The following ZBTB45 variants were observed in gnomAD, a reference collection of about 807,000 sequenced individuals.
The protein encoded by ZBTB45 is zinc finger and BTB domain containing 45.
In ZBTB45, 22 loss-of-function variants were observed where a neutral mutation model predicts 28.4. That is an observed-to-expected ratio of 0.77 (90% CI 0.55 to 1.10). ZBTB45 has a LOEUF of 1.10. ZBTB45 is among the 50% of genes least tolerant of loss of function. The pLI is 0.00. For missense variants in ZBTB45, 656 were observed against 750.2 expected (o/e 0.87, Z 1.47); for synonymous variants, 361 against 332.3 (o/e 1.09, Z -0.94).
At position 58,517,023 on chromosome 19, in the gene ZBTB45, CTCA is replaced by C. The variant is rs1164367445; in HGVS notation, c.648_650del (p.Asp216del). The C allele has an allele frequency of 1.2e-6, 2 of 1,613,306 alleles. No individual in the cohort carries two copies. ...CACCTTCGCCATCCTCGCCATCGGT[CTCA>C]TCGTCACTTTCCTCGTCATCCTCGT... On this transcript the variant is annotated inframe_deletion, in exon 2 of 3. Coordinates refer to ENST00000594051, the MANE Select transcript of ZBTB45 (RefSeq NM_001316979.2).
chr19:58,523,832 C>T (rs1600066189), upstream of ZBTB45, among the ~76,000 whole-genome samples: 3 of 34,586 alleles, frequency 8.7e-5, no homozygotes, highest in Admixed American at 2.8e-4. Flanking sequence ...CACCAGGCCC[C>T]GCTAATTTTT....
intron 1 of ZBTB45, among the ~76,000 whole-genome samples, chr19:58,536,226 G>C (rs2122600566): frequency 6.6e-6 from 1 of 152,212 alleles, no homozygotes; most frequent in South Asian, 2.1e-4. Context: ...AGCACTTTGG[G>C]AGGCCGAGAT....
intron 1 of ZBTB45, among the ~76,000 whole-genome samples, chr19:58,536,473 A>C (rs2053660943): frequency 6.7e-6 from 1 of 148,162 alleles, no homozygotes; most frequent in Non-Finnish European, 1.5e-5. Flanking sequence ...CTCAAAAAAA[A>C]AAAAAAAAAG....
intron 1 of ZBTB45, among the ~76,000 whole-genome samples, chr19:58,526,808 G>T (rs1485505360): frequency 6.6e-6 from 1 of 151,660 alleles, no homozygotes; most frequent in African/African-American, 2.4e-5. Context: ...TGGGATTACA[G>T]GCGTGAGCCA....
At chr19:58,533,219 G>A (rs963256460) in intron 1 of ZBTB45, among the ~76,000 whole-genome samples, 4 of 152,152 alleles carry the variant, frequency 2.6e-5, no homozygotes, top group African/African-American at 4.8e-5. Context: ...CAAGCCTCCC[G>A]CCTTAGCCTC....
upstream of ZBTB45, among the ~76,000 whole-genome samples, chr19:58,520,624 G>A (rs2053569295): frequency 6.6e-6 from 1 of 152,186 alleles, no homozygotes; most frequent in African/African-American, 2.4e-5. Context: ...CTTAAAGGCA[G>A]AAGAGGAAGG....
rs749155452 is a variant in ZBTB45 at position 58,516,842 on chromosome 19, A to C, written c.832T>G (p.Ser278Ala). ...AGRDFLRGAGSAEDVFPDSYV... is the reference protein window; with the variant it reads ...AGRDFLRGAGAAEDVFPDSYV... ...CTGTCTGGAAATACGTCCTCAGCTG[A>C]CCCAGCTCCCCGAAGAAAATCTCTC... Residue 278 changes from serine to alanine, a missense_variant, in exon 2 of 3, where the codon TCA (serine) becomes GCA (alanine). By Grantham distance (99) the Ser-to-Ala change is moderately conservative (BLOSUM62 1). Around this residue, in one of 3 missense-constraint regions of ZBTB45, gnomAD observed 448 missense variants for 444.3 expected, o/e 1.01. Coordinates refer to ENST00000594051, the MANE Select transcript of ZBTB45 (RefSeq NM_001316979.2). This position sits in a 1 kb window ranked among gnomAD's most constrained non-coding sequence, Gnocchi z 6.2. The C allele has an allele frequency of 6.2e-7, 1 of 1,613,582 alleles. No homozygotes were observed. Among genetic ancestry groups the C allele is most frequent in the South Asian group, 1.1e-5 (1 of 91,084 alleles).
Position 58,532,866 on chromosome 19 carries a change from C to T in ZBTB45, c.-1+5835G>A, listed in dbSNP as rs374633935. Reference sequence around the variant, plus strand: ...CGGCCATGTTTTTGAGAAAAAGTCTCGCTCTGTCACCCAGGCTGGAGTGCA... The same window carrying T: ...CGGCCATGTTTTTGAGAAAAAGTCTTGCTCTGTCACCCAGGCTGGAGTGCA... On this transcript the variant is annotated intron_variant, in intron 1 of 1. Transcript: ENST00000600130. Among the ~76,000 whole-genome samples the T allele has an allele frequency of 5.8e-4, 85 of 146,632 alleles. 1 individual carries two copies. In the East Asian group the frequency reaches 0.011, roughly 20 times the overall value.
chr19:58,523,724 G>A (rs1475386478), upstream of ZBTB45, among the ~76,000 whole-genome samples: 2 of 140,312 alleles, frequency 1.4e-5, no homozygotes, highest in Non-Finnish European at 3.1e-5. Flanking sequence ...AGGCTGGAGT[G>A]CAGTGGCGCA....
At chr19:58,526,735 T>G (rs1427393912) in intron 1 of ZBTB45, among the ~76,000 whole-genome samples, 37 of 148,268 alleles carry the variant, frequency 2.5e-4, no homozygotes, top group Non-Finnish European at 2.4e-4. Flanking sequence ...GTTTCACCGT[T>G]TTAGCCGGGA....
chr19:58,513,751 G>A lies in ZBTB45; in HGVS notation c.*303C>T, dbSNP rs2053445172. On this transcript the variant is annotated 3_prime_UTR_variant, in exon 3 of 3. Transcript: ENST00000594051. Reference sequence around the variant, plus strand: ...AGGAGAGGGCGGGGTGAGAACCGGAGTCAAATCTTGGGCCGGGTCCAAGCG... The same window carrying A: ...AGGAGAGGGCGGGGTGAGAACCGGAATCAAATCTTGGGCCGGGTCCAAGCG... 3.1e-6 allele frequency: 1 copy of A among 325,920 alleles called. No homozygotes were observed. Among genetic ancestry groups the A allele is most frequent in the Admixed American group, 5.0e-5 (1 of 19,898 alleles). The allele number at this position is 325,920 out of a possible 1,614,324, so 20.2% of individuals were successfully genotyped here. A position where few individuals can be genotyped will look rare whatever the true frequency, so the allele number is the denominator to read the frequency against.
chr19:58,533,775 A>G (rs1346538415), intron 1 of ZBTB45, among the ~76,000 whole-genome samples: 1 of 152,196 alleles, frequency 6.6e-6, no homozygotes, highest in Non-Finnish European at 1.5e-5. Context: ...TCCTCATTAC[A>G]GTTAAAGAAA....
chr19:58,521,081 AAG>A (rs1568647134), upstream of ZBTB45, among the ~76,000 whole-genome samples: 12 of 84,510 alleles, frequency 1.4e-4, 1 homozygote, highest in Non-Finnish European at 2.2e-4. Context: ...AAAAAAAAAA[AAG>A]GCCGGGCGCG....
intron 2 of ZBTB45, 120 bp from the exon 3 acceptor site, chr19:58,514,430 AC>A: frequency 8.4e-7 from 1 of 1,194,460 alleles, no homozygotes; most frequent in Non-Finnish European, 1.1e-6. Context: ...CTCCCGAACC[AC>A]CACCCCGGGA....
In ZBTB45 at chr19:58,517,653, C is replaced by A. The variant is rs1369102175; in HGVS notation, c.21G>T (p.Val7=). The A allele has an allele frequency of 1.9e-6, 3 of 1,613,370 alleles. No homozygotes were observed. The African/African-American group carries it at 4.0e-5, about 22-fold the overall frequency. The change falls in exon 2 of 3, where the codon GTG becomes GTT. Residue 7 remains valine (V), a synonymous_variant. Transcript: ENST00000594051. MAAAEA[V]HHIHLQNFSR... is the part of the protein sequence containing the mutation. ...AGAAGTTCTGCAGGTGTATGTGATG[C>A]ACAGCCTCTGCAGCCGCCATCTGCA...
chr19:58,525,507 G>A lies in ZBTB45; in HGVS notation c.1-7834C>T, dbSNP rs183760267. Among the ~76,000 whole-genome samples the A allele has an allele frequency of 2.6e-5, 4 of 152,312 alleles. No homozygotes were observed. In the East Asian group the frequency reaches 7.7e-4, roughly 29 times the overall value. On this transcript the variant is annotated intron_variant, in intron 1 of 1. Coordinates refer to the ZBTB45 transcript ENST00000600130. ...TGGGAGCCGTGTGAGGTGTGAAGGGGCAATGGCAGGATCCCCTGTATACTC... is the reference window on the plus strand; with the variant it reads ...TGGGAGCCGTGTGAGGTGTGAAGGGACAATGGCAGGATCCCCTGTATACTC...
chr19:58,524,687 T>C (rs1004189659), upstream of ZBTB45, among the ~76,000 whole-genome samples: 1 of 151,574 alleles, frequency 6.6e-6, no homozygotes, highest in Admixed American at 6.6e-5. Context: ...ATCGAGACCA[T>C]CCTGGCTAAC....
rs1264456766 is a variant in ZBTB45 at position 58,513,766 on chromosome 19, G to A, written c.*288C>T. On this transcript the variant is annotated 3_prime_UTR_variant, in exon 3 of 3. Coordinates refer to ENST00000594051, the MANE Select transcript of ZBTB45 (RefSeq NM_001316979.2). ...GAGAACCGGAGTCAAATCTTGGGCC[G>A]GGTCCAAGCGCCTGAGCGCCCGGTT... 1 of 346,236 alleles carries A rather than the reference G, an allele frequency of 2.9e-6. No individual in the cohort carries two copies. 21.4% of individuals were successfully genotyped at this position (346,236 alleles called of 1,614,324 possible).
At chr19:58,530,576 G>A (rs1003722095) in intron 1 of ZBTB45, among the ~76,000 whole-genome samples, 1 of 152,130 alleles carries the variant, frequency 6.6e-6, no homozygotes, top group Non-Finnish European at 1.5e-5. Flanking sequence ...AAAGTGTGGG[G>A]ACTACAGGCG....
Sources: allele counts gnomAD v4.1 joint callset (sites outside exome capture counted in the v4.1 genomes callset), GRCh38; gene constraint gnomAD v4.1.1; regional missense constraint gnomAD v4.1.1; non-coding constraint Gnocchi (gnomAD v3.1); transcripts MANE v1.5; gene names NCBI Gene and HGNC (gene_info 2026-07-23, HGNC 2026-07-21).